Variants in NXPE2 observed in about 807,000 individuals in gnomAD.
NXPE2 encodes NXPE family member 2.
Under a neutral mutation model 34.4 loss-of-function variants are expected in NXPE2, and 34 were observed. The ratio of observed to expected loss-of-function variants is 0.99; its 90% CI spans 0.75 to 1.31. The LOEUF is 1.31. Ranked by LOEUF, NXPE2 falls within the 40% of genes most tolerant of loss-of-function variation. NXPE2 has a pLI of 0.00. For synonymous variants in NXPE2, 235 were observed against 231.3 expected, an observed-to-expected ratio of 1.02 and a Z score of -0.15; for missense variants, 649 against 672.5, an observed-to-expected ratio of 0.97 and a Z score of 0.39.
intron 2 of NXPE2, among the ~76,000 whole-genome samples, chr11:114,693,430 T>C (rs1951189538): frequency 6.6e-6 from 1 of 152,178 alleles, no homozygotes; most frequent in Non-Finnish European, 1.5e-5. Flanking sequence ...ACCAAAGGCT[T>C]TGGGAATTTA....
the NXPE2 span, among the ~76,000 whole-genome samples, chr11:114,574,094 A>G: frequency 6.6e-6 from 1 of 152,122 alleles, no homozygotes; most frequent in African/African-American, 2.4e-5. Context: ...AAATTAAATA[A>G]CCTGCTCTTG....
At chr11:114,613,101 C>A in the NXPE2 span, among the ~76,000 whole-genome samples, 6 of 150,886 alleles carry the variant, frequency 4.0e-5, no homozygotes, top group Non-Finnish European at 5.9e-5. Flanking sequence ...CATTGCCTCC[C>A]AGGTAACCAC....
chr11:114,755,736 A>ATCTC, the NXPE2 span, among the ~76,000 whole-genome samples: 1,392 of 148,278 alleles, frequency 9.4e-3, 16 homozygotes, highest in African/African-American at 0.029. Flanking sequence ...CTCTTCACCC[A>ATCTC]TCTCTCTCTC....
At chr11:114,543,522 A>G in the NXPE2 span, among the ~76,000 whole-genome samples, 1 of 148,106 alleles carries the variant, frequency 6.8e-6, no homozygotes, top group Non-Finnish European at 1.5e-5. Context: ...CCCTGTTTAA[A>G]AAAAAAAAAA....
At chr11:114,775,887 A>AG in the NXPE2 span, among the ~76,000 whole-genome samples, 5 of 147,728 alleles carry the variant, frequency 3.4e-5, no homozygotes, top group African/African-American at 9.9e-5. Context: ...AACGAAAAAA[A>AG]AAAACAAAAA....
the NXPE2 span, among the ~76,000 whole-genome samples, chr11:114,475,062 T>C: frequency 2.6e-5 from 4 of 152,094 alleles, no homozygotes; most frequent in African/African-American, 9.7e-5. Context: ...TATTGCATTT[T>C]ATTCTAAAAA....
chr11:114,599,091 A>G, the NXPE2 span, among the ~76,000 whole-genome samples: 3 of 152,150 alleles, frequency 2.0e-5, no homozygotes, highest in Non-Finnish European at 4.4e-5. Context: ...ATACGAGCAT[A>G]GGTTGTTAAA....
chr11:114,615,601 T>A, the NXPE2 span, among the ~76,000 whole-genome samples: 1 of 150,990 alleles, frequency 6.6e-6, no homozygotes, highest in South Asian at 2.1e-4. Context: ...ATTTGCTGCC[T>A]CATGGGTAAC....
At chr11:114,471,229 G>A in the NXPE2 span, among the ~76,000 whole-genome samples, 7 of 152,194 alleles carry the variant, frequency 4.6e-5, no homozygotes, top group South Asian at 2.1e-4. Flanking sequence ...TAAAAATTTC[G>A]TCCTTTTATT....
the NXPE2 span, among the ~76,000 whole-genome samples, chr11:114,572,577 A>G: frequency 5.8e-3 from 886 of 152,286 alleles, 9 homozygotes; most frequent in African/African-American, 0.02. Context: ...AATGCACTGG[A>G]AATTCTCAGC....
chr11:114,760,689 A>T, the NXPE2 span, among the ~76,000 whole-genome samples: 1 of 152,208 alleles, frequency 6.6e-6, no homozygotes, highest in Non-Finnish European at 1.5e-5. Flanking sequence ...CCTGTCCCTC[A>T]TATGTGAAAA....
the NXPE2 span, among the ~76,000 whole-genome samples, chr11:114,502,974 G>T: frequency 1.3e-5 from 2 of 152,190 alleles, no homozygotes; most frequent in Non-Finnish European, 2.9e-5. Context: ...TCACAGTGGA[G>T]AAATGTGTCT....
chr11:114,615,029 G>C, the NXPE2 span, among the ~76,000 whole-genome samples: 5 of 145,756 alleles, frequency 3.4e-5, no homozygotes, highest in Non-Finnish European at 6.1e-5. Context: ...TGGGTAACCA[G>C]TGTTACCCAC....
At chr11:114,546,561 C>T in the NXPE2 span, among the ~76,000 whole-genome samples, 1 of 151,578 alleles carries the variant, frequency 6.6e-6, no homozygotes, top group African/African-American at 2.4e-5. Context: ...CTCACCCTCC[C>T]AAAGTGCTAG....
chr11:114,557,655 ATATATATATATATATAT>A, the NXPE2 span, among the ~76,000 whole-genome samples: 9 of 141,728 alleles, frequency 6.4e-5, no homozygotes, highest in South Asian at 1.7e-3. Flanking sequence ...ATATATATAT[ATATATATATATATATAT>A]AAAATCCTTG....
the NXPE2 span, among the ~76,000 whole-genome samples, chr11:114,785,031 G>A: frequency 6.6e-6 from 1 of 151,954 alleles, no homozygotes; most frequent in Non-Finnish European, 1.5e-5. Flanking sequence ...AAGGAGAGAC[G>A]TGCTGCAGAA....
At chr11:114,545,170 C>T in the NXPE2 span, among the ~76,000 whole-genome samples, 1 of 152,140 alleles carries the variant, frequency 6.6e-6, no homozygotes, top group Non-Finnish European at 1.5e-5. Flanking sequence ...TCTTATAAAG[C>T]TAAACATAGT....
At chr11:114,562,113 T>C in the NXPE2 span, among the ~76,000 whole-genome samples, 3 of 152,260 alleles carry the variant, frequency 2.0e-5, no homozygotes, top group Non-Finnish European at 2.9e-5. Flanking sequence ...CAATTTCTTC[T>C]GATTATTGTG....
chr11:114,791,925 G>A, the NXPE2 span, among the ~76,000 whole-genome samples: 3 of 152,210 alleles, frequency 2.0e-5, no homozygotes, highest in Admixed American at 2.0e-4. Context: ...GGGCATGGTG[G>A]TGGGCGCCTG....
Sources: allele counts gnomAD v4.1 joint callset (sites outside exome capture counted in the v4.1 genomes callset), GRCh38; gene constraint gnomAD v4.1.1; transcripts MANE v1.5; gene names NCBI Gene and HGNC (gene_info 2026-07-23, HGNC 2026-07-21).